Variants in PBRM1 observed in about 807,000 individuals in gnomAD.
PBRM1 encodes the protein protein polybromo-1.
A neutral mutation model predicts 194.5 loss-of-function variants in PBRM1; 27 were observed. The ratio of observed to expected loss-of-function variants is 0.14; its 90% CI spans 0.10 to 0.19. The LOEUF (loss-of-function observed/expected upper bound fraction) is 0.19, where lower values mean the gene tolerates loss of function less well. Ranked by LOEUF, PBRM1 falls within the 10% of genes least tolerant of loss-of-function variation. The pLI is 1.00. For missense variants in PBRM1, 1,466 were observed against 2,077.2 expected (o/e 0.71, Z 5.72); for synonymous variants, 655 against 693.2 (o/e 0.94, Z 0.87).
intron 20 of PBRM1, among the ~76,000 whole-genome samples, chr3:52,582,880 G>A (rs1185091625): frequency 7.1e-6 from 1 of 141,088 alleles, no homozygotes; most frequent in Admixed American, 7.1e-5. Context: ...GGCGGATCAT[G>A]AGGTCAGGAG....
intron 8 of PBRM1, 133 bp downstream of exon 9, chr3:52,644,571 G>C: frequency 2.5e-6 from 1 of 402,712 alleles, no homozygotes; most frequent in South Asian, 3.0e-5. Flanking sequence ...TTTTAGTAGA[G>C]ATGGGGTTTC....
chr3:52,589,138 A>G lies in PBRM1; in HGVS notation c.2897T>C (p.Val966Ala), dbSNP rs1274674750. Residue 966 changes from valine (V) to alanine (A), a missense_variant, in exon 18 of 30, where the codon GTG becomes GCG. Around this residue, in one of 5 missense-constraint regions of PBRM1, gnomAD observed 687 missense variants for 946.2 expected, o/e 0.73. Transcript: ENST00000296302. ...TTGTAGGTTGGCCTCTGCAGGTTCCACATAGACGTAATCTCCAACATGGTA... is the reference window on the plus strand; with the variant it reads ...TTGTAGGTTGGCCTCTGCAGGTTCCGCATAGACGTAATCTCCAACATGGTA... The G allele has an allele frequency of 2.5e-6, 4 of 1,613,282 alleles. No homozygotes were observed. In the Admixed American group the frequency reaches 5.0e-5, roughly 20 times the overall value.
chr3:52,662,824 T>TAA (rs34605756), intron 3 of PBRM1, among the ~76,000 whole-genome samples: 11 of 130,706 alleles, frequency 8.4e-5, no homozygotes, highest in South Asian at 2.5e-4. Flanking sequence ...GACTCTGTCT[T>TAA]AAAAAAAAAA....
In PBRM1 at chr3:52,637,725, C is replaced by T. The variant is rs958191122; in HGVS notation, c.1088-2910G>A. Among the ~76,000 whole-genome samples the T allele has an allele frequency of 1.4e-4, 20 of 139,156 alleles. No individual in the cohort carries two copies. In the East Asian group the frequency reaches 3.2e-3, roughly 22 times the overall value. 91.3% of individuals were successfully genotyped at this position (139,156 alleles called of 152,430 possible). On this transcript the variant is annotated intron_variant, in intron 10 of 29. Coordinates refer to ENST00000296302, the Ensembl canonical transcript of PBRM1. Reference sequence around the variant, plus strand: ...GGCGGATCATTTGAGGCCAGGAGTTCGAGATCAGCCTGGCCAACATGGCAA... The same window carrying T: ...GGCGGATCATTTGAGGCCAGGAGTTTGAGATCAGCCTGGCCAACATGGCAA...
rs531287729 is a variant in PBRM1, at chr3:52,636,107, G to A, written c.1088-1292C>T. ...AGGATGGTCTCGATCTCCTGACCTC[G>A]TGATCTGCCCGCCTCGGCCTCCCAA... On this transcript the variant is annotated intron_variant, in intron 10 of 29. Transcript: ENST00000296302. Among the ~76,000 whole-genome samples the A allele has an allele frequency of 5.3e-5, 8 of 151,874 alleles. No individual in the cohort carries two copies. In the South Asian group the frequency reaches 1.0e-3, roughly 20 times the overall value.
At chr3:52,680,276 C>T (rs1169071564), upstream of PBRM1, among the ~76,000 whole-genome samples, 2 of 152,188 alleles carry the variant, frequency 1.3e-5, no homozygotes, top group African/African-American at 2.4e-5. Flanking sequence ...AATTAACCTT[C>T]TAGCACTTTA....
At chr3:52,593,574 A>G (rs1461231803) in intron 17 of PBRM1, among the ~76,000 whole-genome samples, 1 of 152,146 alleles carries the variant, frequency 6.6e-6, no homozygotes, top group African/African-American at 2.4e-5. Flanking sequence ...TTAGTGTGAT[A>G]AATTTCCCTC....
intron 21 of PBRM1, 63 bp downstream of exon 23, chr3:52,578,991 A>G: frequency 6.6e-7 from 1 of 1,520,930 alleles, no homozygotes; most frequent in Admixed American, 1.7e-5. Flanking sequence ...AAGGGTGACT[A>G]ATTTCTACTG....
chr3:52,613,569 C>T (rs2094774502), intron 15 of PBRM1, among the ~76,000 whole-genome samples: 1 of 152,018 alleles, frequency 6.6e-6, no homozygotes. Flanking sequence ...GTCTCAAACT[C>T]CTGGGCTGAA....
intron 3 of PBRM1, among the ~76,000 whole-genome samples, chr3:52,666,815 C>T (rs937940250): frequency 6.6e-6 from 1 of 150,708 alleles, no homozygotes; most frequent in Admixed American, 6.6e-5. Context: ...TTGCTTGAGC[C>T]CAGGAGACAA....
At chr3:52,562,200 G>A (rs553400603) in intron 24 of PBRM1, among the ~76,000 whole-genome samples, 5 of 151,838 alleles carry the variant, frequency 3.3e-5, no homozygotes, top group African/African-American at 7.2e-5. Flanking sequence ...GGTGGCGGGC[G>A]CCTGTAGTCC....
chr3:52,596,603 T>C (rs1045376028), intron 17 of PBRM1, among the ~76,000 whole-genome samples: 4 of 152,012 alleles, frequency 2.6e-5, no homozygotes, highest in Non-Finnish European at 4.4e-5. Context: ...GGCAGCGTGT[T>C]CCCTTCTGGC....
intron 15 of PBRM1, among the ~76,000 whole-genome samples, chr3:52,610,183 G>A (rs1357692203): frequency 1.3e-5 from 2 of 152,132 alleles, no homozygotes; most frequent in East Asian, 3.8e-4. Context: ...AGAAAGCTGT[G>A]AATAAGAAGG....
chr3:52,585,437 A>C (rs1189767488), intron 20 of PBRM1: 1 of 152,206 alleles, frequency 6.6e-6, no homozygotes, highest in Non-Finnish European at 1.5e-5. Flanking sequence ...CCATTTTGGT[A>C]ATTTGTAATA....
Position 52,609,797 on chromosome 3 carries a change from C to T in PBRM1, c.2083G>A (p.Asp695Asn), listed in dbSNP as rs777272973. ...GGCTTTTTAATAGTCAGATAGTAGTCAGGCAACTCAGATCTAGAGGGAAGC... is the reference window on the plus strand; with the variant it reads ...GGCTTTTTAATAGTCAGATAGTAGTTAGGCAACTCAGATCTAGAGGGAAGC... Residue 695 changes from aspartate to asparagine, a missense_variant, in exon 16 of 30, where the codon GAC becomes AAC. Around this residue, in one of 5 missense-constraint regions of PBRM1, gnomAD observed 687 missense variants for 946.2 expected, o/e 0.73. Coordinates refer to ENST00000296302, the Ensembl canonical transcript of PBRM1. This position sits in a 1 kb window ranked among gnomAD's most constrained non-coding sequence, Gnocchi z 4.1. The T allele has an allele frequency of 6.2e-7, 1 of 1,612,884 alleles. No individual in the cohort carries two copies. The highest frequency in any genetic ancestry group is 8.5e-7 in the Non-Finnish European group (1 of 1,179,668).
chr3:52,656,266 T>C (rs1204481887), intron 5 of PBRM1, among the ~76,000 whole-genome samples: 1 of 152,174 alleles, frequency 6.6e-6, no homozygotes, highest in Non-Finnish European at 1.5e-5. Context: ...GTTTTTCTTT[T>C]TTCAGCATCA....
Position 52,634,825 on chromosome 3 carries a change from C to CAA in PBRM1, c.1088-12_1088-11dup. On this transcript the variant is annotated splice_polypyrimidine_tract_variant and intron_variant, in intron 10 of 29. Coordinates refer to ENST00000296302, the Ensembl canonical transcript of PBRM1. ...TCTTCATAGCGTGCAGCTGGAAAGA[C>CAA]AAAAAAAGTATTTATAAAGGGACGA... 1 of 1,585,566 alleles carries CAA rather than the reference C, an allele frequency of 6.3e-7. No individual in the cohort carries two copies. The highest frequency in any genetic ancestry group is 8.6e-7 in the Non-Finnish European group (1 of 1,162,846).
intron 4 of PBRM1, among the ~76,000 whole-genome samples, chr3:52,658,535 T>C (rs1209120162): frequency 1.3e-5 from 2 of 151,870 alleles, no homozygotes; most frequent in Admixed American, 6.6e-5. Flanking sequence ...GCTGGGATTA[T>C]AGGCATGCGC....
intron 20 of PBRM1, among the ~76,000 whole-genome samples, chr3:52,581,763 G>A (rs188758704): frequency 2.0e-5 from 3 of 151,508 alleles, no homozygotes; most frequent in East Asian, 4.0e-4. Context: ...TCAACCTCCC[G>A]AGAAGCTGAG....
Sources: gnomAD v4.1 joint callset for allele counts (sites outside exome capture counted in the v4.1 genomes callset) on GRCh38, gnomAD v4.1.1 for gene constraint, gnomAD v4.1.1 regional missense constraint, Gnocchi (gnomAD v3.1) non-coding constraint, MANE v1.5 for transcripts, NCBI Gene and HGNC (gene_info 2026-07-23, HGNC 2026-07-21) for gene names.